Variants in BLTP3B observed in about 807,000 individuals in gnomAD.
The protein encoded by BLTP3B is UHRF1 (ICBP90) binding protein 1-like.
chr12:100,108,109 A>G, the BLTP3B span, among the ~76,000 whole-genome samples: 1 of 145,966 alleles, frequency 6.9e-6, no homozygotes, highest in Non-Finnish European at 1.5e-5. Context: ...TTGAACATGT[A>G]CCAAATGGAT....
the BLTP3B span, among the ~76,000 whole-genome samples, chr12:100,043,404 T>A: frequency 2.6e-5 from 4 of 152,224 alleles, no homozygotes; most frequent in Non-Finnish European, 5.9e-5. Flanking sequence ...TAAGAGTTTA[T>A]CTCTGAACTC....
chr12:100,076,959 A>G, the BLTP3B span, among the ~76,000 whole-genome samples: 1 of 152,094 alleles, frequency 6.6e-6, no homozygotes, highest in African/African-American at 2.4e-5. Flanking sequence ...TTGCGTATAT[A>G]TATGTGGGGT....
At chr12:100,124,438 C>T in the BLTP3B span, among the ~76,000 whole-genome samples, 2 of 150,880 alleles carry the variant, frequency 1.3e-5, no homozygotes, top group Admixed American at 1.3e-4. Flanking sequence ...CCTGTCTCTA[C>T]AAAATATTAA....
chr12:100,060,260 A>G, the BLTP3B span, among the ~76,000 whole-genome samples: 1 of 152,172 alleles, frequency 6.6e-6, no homozygotes, highest in African/African-American at 2.4e-5. Context: ...ATGTTTTAAT[A>G]TTTCAAAATA....
the BLTP3B span, chr12:100,095,887 A>G: frequency 2.8e-6 from 4 of 1,419,442 alleles, no homozygotes; most frequent in East Asian, 7.6e-5. Flanking sequence ...TATAAACCTT[A>G]TAATACGCTT....
the BLTP3B span, among the ~76,000 whole-genome samples, chr12:100,053,125 C>A: frequency 6.6e-6 from 1 of 151,852 alleles, no homozygotes; most frequent in Non-Finnish European, 1.5e-5. Context: ...TTTTGCCTGG[C>A]CAGGCACAGT....
chr12:100,117,244 A>G, the BLTP3B span, among the ~76,000 whole-genome samples: 20 of 152,296 alleles, frequency 1.3e-4, no homozygotes, highest in South Asian at 4.1e-4. Flanking sequence ...TGGGGAAAAG[A>G]ATAACTTTAC....
At chr12:100,120,707 C>A in the BLTP3B span, among the ~76,000 whole-genome samples, 1 of 152,020 alleles carries the variant, frequency 6.6e-6, no homozygotes, top group African/African-American at 2.4e-5. Flanking sequence ...CTAGCATATA[C>A]CTAACCATTC....
chr12:100,102,855 G>A, the BLTP3B span: 2 of 1,582,334 alleles, frequency 1.3e-6, no homozygotes, highest in Non-Finnish European at 1.7e-6. Flanking sequence ...CTTTATCCAG[G>A]GACTAATAAA....
chr12:100,082,839 A>C, the BLTP3B span, among the ~76,000 whole-genome samples: 1 of 152,198 alleles, frequency 6.6e-6, no homozygotes, highest in Non-Finnish European at 1.5e-5. Context: ...AGTTTGGTTA[A>C]CTGAGTAACC....
At chr12:100,089,350 G>C in the BLTP3B span, among the ~76,000 whole-genome samples, 5 of 152,296 alleles carry the variant, frequency 3.3e-5, no homozygotes, top group East Asian at 5.8e-4. Context: ...TCTGAGGTCA[G>C]GAGTTCAAGA....
At chr12:100,084,592 T>A in the BLTP3B span, 1 of 1,614,048 alleles carries the variant, frequency 6.2e-7, no homozygotes, top group South Asian at 1.1e-5. Flanking sequence ...ATGCAATAAC[T>A]CATTGGCCCA....
the BLTP3B span, among the ~76,000 whole-genome samples, chr12:100,093,121 G>C: frequency 1.3e-5 from 2 of 152,066 alleles, no homozygotes; most frequent in Non-Finnish European, 2.9e-5. Context: ...GTTTCAACTC[G>C]GGCTACCAGT....
At chr12:100,059,800 A>T in the BLTP3B span, 4 of 1,536,758 alleles carry the variant, frequency 2.6e-6, no homozygotes, top group Non-Finnish European at 3.5e-6. Context: ...ACAAATCATA[A>T]AATAAAAAGA....
chr12:100,119,275 T>C, the BLTP3B span, among the ~76,000 whole-genome samples: 1 of 151,134 alleles, frequency 6.6e-6, no homozygotes, highest in Non-Finnish European at 1.5e-5. Context: ...TACAAAATAC[T>C]GTTGCAAGAA....
the BLTP3B span, among the ~76,000 whole-genome samples, chr12:100,049,448 T>C: frequency 3.0e-4 from 46 of 152,318 alleles, no homozygotes; most frequent in African/African-American, 1.1e-3. Context: ...TATGCATGTG[T>C]GTGAAAGGGA....
the BLTP3B span, among the ~76,000 whole-genome samples, chr12:100,070,687 T>C: frequency 6.6e-6 from 1 of 152,096 alleles, no homozygotes; most frequent in Non-Finnish European, 1.5e-5. Context: ...GAAGTTCCTT[T>C]TGAAACTAAA....
At chr12:100,078,827 C>CT in the BLTP3B span, among the ~76,000 whole-genome samples, 1 of 152,138 alleles carries the variant, frequency 6.6e-6, no homozygotes, top group Non-Finnish European at 1.5e-5. Context: ...AATTGTAACT[C>CT]TGACAGTTCC....
the BLTP3B span, among the ~76,000 whole-genome samples, chr12:100,116,169 CAAAA>C: frequency 9.3e-6 from 1 of 107,050 alleles, no homozygotes. Context: ...GAGACTGTCT[CAAAA>C]AAAAAAAAAA....
Sources: gnomAD v4.1 joint callset for allele counts (sites outside exome capture counted in the v4.1 genomes callset) on GRCh38, gnomAD v4.1.1 for gene constraint, MANE v1.5 for transcripts, NCBI Gene and HGNC (gene_info 2026-07-23, HGNC 2026-07-21) for gene names.